Variants in RYR2 observed in about 807,000 individuals in gnomAD.
RYR2 encodes ryanodine receptor 2.
Under a neutral mutation model 601.1 loss-of-function variants are expected in RYR2, and 227 were observed. The ratio of observed to expected loss-of-function variants is 0.38; its 90% CI spans 0.34 to 0.42. The LOEUF (loss-of-function observed/expected upper bound fraction) is 0.42. Among genes scored for constraint, RYR2 ranks in the 10% least tolerant of loss-of-function variants. The pLI is 1.00. For synonymous variants in RYR2, 2,223 were observed against 2,175.1 expected, an observed-to-expected ratio of 1.02 and a Z score of -0.61; for missense variants, 4,646 against 6,156.5, an observed-to-expected ratio of 0.75 and a Z score of 8.21.
intron 6 of RYR2, among the ~76,000 whole-genome samples, chr1:237,373,932 A>G (rs1053697406): frequency 1.3e-5 from 2 of 152,246 alleles, no homozygotes; most frequent in African/African-American, 4.8e-5. Context: ...GTCAGACTAC[A>G]TTGTACTTTT....
chr1:237,676,345 A>G (rs892233918), intron 60 of RYR2, among the ~76,000 whole-genome samples: 2 of 152,164 alleles, frequency 1.3e-5, no homozygotes, highest in East Asian at 3.8e-4. Flanking sequence ...ACTACCTACT[A>G]CAGTTTTCTT....
In RYR2 at chr1:237,208,067, A is replaced by T. The variant is rs188242053; in HGVS notation, c.49-62430A>T. Among the ~76,000 whole-genome samples the T allele has an allele frequency of 2.7e-3, 411 of 152,306 alleles. 2 individuals carry two copies. Among genetic ancestry groups the T allele is most frequent in the African/African-American group, 9.6e-3 (397 of 41,568 alleles). On this transcript the variant is annotated intron_variant, in intron 1 of 104. Transcript: ENST00000366574. Reference sequence around the variant, plus strand: ...GAACTGATGTTGGTTGACCAGCGGGAGTTGTGGTAATAGTTCATACACAAG... The same window carrying T: ...GAACTGATGTTGGTTGACCAGCGGGTGTTGTGGTAATAGTTCATACACAAG...
chr1:237,786,384 TTC>T (rs1450121567), intron 91 of RYR2, among the ~76,000 whole-genome samples: 1 of 152,238 alleles, frequency 6.6e-6, no homozygotes, highest in Non-Finnish European at 1.5e-5. Context: ...ACTCATGTCT[TTC>T]TGTCCTTTCC....
intron 102 of RYR2, 21 bp downstream of exon 102, chr1:237,828,466 C>G (rs1476115393): frequency 6.6e-7 from 1 of 1,523,286 alleles, no homozygotes; most frequent in East Asian, 2.4e-5. Flanking sequence ...CCATTCATGA[C>G]TCAGCTTCTT....
At chr1:237,689,584 G>A (rs911185563) in intron 63 of RYR2, among the ~76,000 whole-genome samples, 2 of 152,064 alleles carry the variant, frequency 1.3e-5, no homozygotes. Flanking sequence ...TCCCTGTGTG[G>A]TCCTAGTATT....
rs1170298609 is a variant in RYR2, at chr1:237,526,159, AC to A, written c.2823-4265del. 4.6e-5 allele frequency among the ~76,000 whole-genome samples: 7 copies of A among 152,104 alleles called. No homozygotes were observed. In the East Asian group the frequency reaches 1.4e-3, roughly 29 times the overall value. ...CTAACAGTGTATAAGCTACATCCTC[AC>A]CCACATCTTTTATTTTTTGACTTTT... On this transcript the variant is annotated intron_variant, in intron 24 of 104. Transcript: ENST00000366574.
At chr1:237,282,105 C>T (rs1351485570) in intron 2 of RYR2, among the ~76,000 whole-genome samples, 2 of 151,832 alleles carry the variant, frequency 1.3e-5, no homozygotes, top group Non-Finnish European at 2.9e-5. Flanking sequence ...AAAGTATATA[C>T]TTTCTGAATC....
At chr1:237,113,604 C>T (rs1463083445) in intron 1 of RYR2, among the ~76,000 whole-genome samples, 3 of 152,148 alleles carry the variant, frequency 2.0e-5, no homozygotes, top group Non-Finnish European at 4.4e-5. Context: ...CAGCTCCTTG[C>T]ACAATTCCTG....
intron 93 of RYR2, 192 bp downstream of exon 93, chr1:237,791,707 G>A: frequency 1.7e-6 from 1 of 579,442 alleles, no homozygotes; most frequent in South Asian, 2.3e-5. Flanking sequence ...AGTGAGAAAT[G>A]CCTCAACTGA....
chr1:237,570,899 C>T (rs1205720881), intron 29 of RYR2, among the ~76,000 whole-genome samples: 2 of 151,982 alleles, frequency 1.3e-5, no homozygotes, highest in East Asian at 1.9e-4. Context: ...GAAGCTAAGG[C>T]GGAGGATAGC....
chr1:237,550,593 A>T lies in RYR2; in HGVS notation c.3116A>T (p.Asp1039Val), dbSNP rs770492374. The change falls in exon 27 of 105, where the codon GAT becomes GTT. Residue 1039 changes from aspartate (D) to valine (V), a missense_variant. Around this residue, in one of 17 missense-constraint regions of RYR2, gnomAD observed 1,807 missense variants for 2,088.1 expected, o/e 0.87. Coordinates refer to ENST00000366574, the MANE Select transcript of RYR2 (RefSeq NM_001035.3). ...CGCCTTGTTCCCTACACTCTTCTGG[A>T]TGACCGAACCAAGAAATCCAACAAG... ...NPRLVPYTLL[D>V]DRTKKSNKDS... The T allele has an allele frequency of 3.1e-6, 5 of 1,606,064 alleles. No homozygotes were observed. In the African/African-American group the frequency reaches 4.0e-5, roughly 13 times the overall value.
At chr1:237,067,671 G>T (rs927657326) in intron 1 of RYR2, among the ~76,000 whole-genome samples, 2 of 152,070 alleles carry the variant, frequency 1.3e-5, no homozygotes, top group South Asian at 4.1e-4. Flanking sequence ...CCGGGGTTTC[G>T]ATAAGAATTG....
intron 3 of RYR2, among the ~76,000 whole-genome samples, chr1:237,335,119 A>G (rs191487831): frequency 5.3e-5 from 8 of 152,170 alleles, no homozygotes; most frequent in African/African-American, 1.7e-4. Flanking sequence ...CCTCGACCCC[A>G]GTATTCTCAT....
chr1:237,813,557 G>A (rs140585467), intron 100 of RYR2, among the ~76,000 whole-genome samples: 6 of 152,216 alleles, frequency 3.9e-5, no homozygotes, highest in East Asian at 3.9e-4. Context: ...ATCCTTAAAC[G>A]ACTACATTTT....
intron 61 of RYR2, among the ~76,000 whole-genome samples, chr1:237,679,524 G>A (rs1398328905): frequency 3.9e-5 from 6 of 152,220 alleles, no homozygotes; most frequent in South Asian, 4.1e-4. Context: ...CTATGGGCCC[G>A]TCACAGTCCT....
At chr1:237,061,907 T>C (rs1662941907) in intron 1 of RYR2, among the ~76,000 whole-genome samples, 1 of 152,174 alleles carries the variant, frequency 6.6e-6, no homozygotes, top group Non-Finnish European at 1.5e-5. Context: ...GCTCTTAGAA[T>C]TGATATTTTG....
chr1:237,779,532 G>T (rs905519461), intron 88 of RYR2, among the ~76,000 whole-genome samples: 4 of 152,152 alleles, frequency 2.6e-5, no homozygotes, highest in African/African-American at 9.7e-5. Flanking sequence ...TCTAATTCCT[G>T]AGCTGCCATG....
chr1:237,665,224 C>A (rs1237443594), intron 56 of RYR2, among the ~76,000 whole-genome samples: 1 of 151,864 alleles, frequency 6.6e-6, no homozygotes, highest in Non-Finnish European at 1.5e-5. Context: ...TATGGTGAAA[C>A]CCCGTCTCTA....
intron 56 of RYR2, among the ~76,000 whole-genome samples, chr1:237,663,158 T>A (rs1683964174): frequency 6.6e-6 from 1 of 152,240 alleles, no homozygotes; most frequent in Admixed American, 6.5e-5. Flanking sequence ...ACCCAAAGGT[T>A]CTTTAAGCAT....
Sources: allele counts gnomAD v4.1 joint callset (sites outside exome capture counted in the v4.1 genomes callset), GRCh38; gene constraint gnomAD v4.1.1; regional missense constraint gnomAD v4.1.1; transcripts MANE v1.5; gene names NCBI Gene and HGNC (gene_info 2026-07-23, HGNC 2026-07-21).